Variants in NHSL1 observed in about 807,000 individuals in gnomAD.
NHSL1 encodes the protein NHS like 1, also known as NHS-like protein 1.
NHSL1 carries 48 observed loss-of-function variants against 95.0 expected under a neutral mutation model. The ratio of observed to expected loss-of-function variants is 0.51; its 90% CI spans 0.40 to 0.64. The LOEUF (loss-of-function observed/expected upper bound fraction) is 0.64. NHSL1 is among the 30% of genes least tolerant of loss of function. NHSL1 has a pLI of 0.00. For synonymous variants in NHSL1, 783 were observed against 833.9 expected, an observed-to-expected ratio of 0.94 and a Z score of 1.05; for missense variants, 1,971 against 2,077.7, an observed-to-expected ratio of 0.95 and a Z score of 1.00.
intron 1 of NHSL1, among the ~76,000 whole-genome samples, chr6:138,587,904 T>A (rs1784162086): frequency 6.6e-6 from 1 of 152,238 alleles, no homozygotes. Context: ...TGTTTGTTTG[T>A]TTAAGTTACA....
intron 1 of NHSL1, among the ~76,000 whole-genome samples, chr6:138,559,010 C>T (rs1479832175): frequency 6.6e-6 from 1 of 151,870 alleles, no homozygotes; most frequent in East Asian, 1.9e-4. Context: ...GAGTGCACCA[C>T]TGCACTCCAG....
intron 1 of NHSL1, among the ~76,000 whole-genome samples, chr6:138,666,318 G>A (rs946467426): frequency 1.3e-4 from 20 of 150,036 alleles, no homozygotes; most frequent in African/African-American, 4.9e-4. Flanking sequence ...ACAAAAACAA[G>A]GGCCAGGCGC....
chr6:138,610,472 T>G (rs1248277268), intron 1 of NHSL1, among the ~76,000 whole-genome samples: 1 of 151,288 alleles, frequency 6.6e-6, no homozygotes, highest in South Asian at 2.1e-4. Context: ...CACACCAACA[T>G]GGCACATGTA....
At chr6:138,601,972 C>T (rs904776045) in intron 1 of NHSL1, among the ~76,000 whole-genome samples, 4 of 152,028 alleles carry the variant, frequency 2.6e-5, no homozygotes, top group Admixed American at 2.6e-4. Flanking sequence ...CCTATAAAGC[C>T]GATAAGTTTA....
intron 1 of NHSL1, among the ~76,000 whole-genome samples, chr6:138,605,353 G>C (rs554089138): frequency 6.6e-6 from 1 of 152,278 alleles, no homozygotes; most frequent in African/African-American, 2.4e-5. Flanking sequence ...AGCCTCCCGG[G>C]TGGCCAGGAC....
At chr6:138,679,056 A>G (rs1785481752) in intron 1 of NHSL1, among the ~76,000 whole-genome samples, 1 of 152,350 alleles carries the variant, frequency 6.6e-6, no homozygotes, top group Non-Finnish European at 1.5e-5. Flanking sequence ...CATTTAGAAT[A>G]AGAGGAGCAG....
At chr6:138,674,649 T>G (rs1014031278) in intron 1 of NHSL1, among the ~76,000 whole-genome samples, 29 of 152,232 alleles carry the variant, frequency 1.9e-4, no homozygotes, top group African/African-American at 6.5e-4. Context: ...GAACATGATC[T>G]TGTTCCTTTT....
intron 1 of NHSL1, chr6:138,545,593 G>T: frequency 3.1e-6 from 4 of 1,273,634 alleles, no homozygotes; most frequent in Non-Finnish European, 4.1e-6. Context: ...GTAGAACTTT[G>T]CCACCCAAAT....
intron 1 of NHSL1, among the ~76,000 whole-genome samples, chr6:138,607,431 TAAAC>T (rs1241897872): frequency 2.6e-5 from 4 of 152,202 alleles, no homozygotes; most frequent in African/African-American, 9.6e-5. Flanking sequence ...ATCTGGTTCA[TAAAC>T]AAAAAAAGCA....
chr6:138,476,928 A>T (rs1035045970), intron 2 of NHSL1, among the ~76,000 whole-genome samples: 1 of 151,146 alleles, frequency 6.6e-6, no homozygotes, highest in Non-Finnish European at 1.5e-5. Context: ...ATACCCATGT[A>T]ACAAACCTGC....
intron 1 of NHSL1, among the ~76,000 whole-genome samples, chr6:138,598,712 A>T (rs1053968003): frequency 1.7e-4 from 26 of 152,028 alleles, no homozygotes; most frequent in Non-Finnish European, 3.8e-4. Context: ...TTTCTCCACA[A>T]TGCTCATAGA....
chr6:138,612,314 G>T (rs1784525444), intron 1 of NHSL1, among the ~76,000 whole-genome samples: 1 of 151,924 alleles, frequency 6.6e-6, no homozygotes, highest in Admixed American at 6.6e-5. Flanking sequence ...ACTAATACAA[G>T]AACTGCGTAA....
chr6:138,443,506 C>T (rs1178229621), intron 4 of NHSL1, among the ~76,000 whole-genome samples: 5 of 152,182 alleles, frequency 3.3e-5, no homozygotes, highest in African/African-American at 1.2e-4. Flanking sequence ...TGTATCAAGA[C>T]ATTAAGAACA....
At chr6:138,479,378 T>C (rs1779280059) in intron 2 of NHSL1, among the ~76,000 whole-genome samples, 1 of 152,198 alleles carries the variant, frequency 6.6e-6, no homozygotes, top group Admixed American at 6.5e-5. Flanking sequence ...TTACTCCTCT[T>C]GTCCTTTGGG....
At position 138,431,838 on chromosome 6, in the gene NHSL1, A is replaced by G; in HGVS notation, c.2507T>C (p.Ile836Thr). The change falls in exon 6 of 8, where the codon ATC becomes ACC. Residue 836 changes from isoleucine (I) to threonine (T), a missense_variant. Physicochemically the swap from Ile to Thr is moderately conservative, Grantham distance 89. Around this residue, in one of 3 missense-constraint regions of NHSL1, gnomAD observed 1,602 missense variants for 1,654.5 expected, o/e 0.97. Transcript: ENST00000343505. This position sits in a 1 kb window ranked among gnomAD's most constrained non-coding sequence, Gnocchi z 4.0. ...TCTGTGTGACTTCTCTGGTGACATG[A>G]TCTTTGGTTTGACTGAACCACCGGG... Reference protein sequence around the residue: ...QVPGGSVKPKIMSPEKSHRVI... With the variant: ...QVPGGSVKPKTMSPEKSHRVI... 1.3e-6 allele frequency: 2 copies of G among 1,551,498 alleles called. No individual in the cohort carries two copies. The highest frequency in any genetic ancestry group is 2.4e-5 in the East Asian group (1 of 40,896).
intron 1 of NHSL1, among the ~76,000 whole-genome samples, chr6:138,508,334 C>T (rs1227347179): frequency 2.0e-5 from 3 of 151,952 alleles, no homozygotes; most frequent in Admixed American, 6.6e-5. Context: ...GAAATGAGGT[C>T]GGGCTAACAT....
intron 1 of NHSL1, among the ~76,000 whole-genome samples, chr6:138,583,709 G>C (rs1421834107): frequency 1.3e-5 from 2 of 152,154 alleles, no homozygotes; most frequent in Non-Finnish European, 2.9e-5. Flanking sequence ...TCTCCTGACA[G>C]ATGAACTCAA....
chr6:138,631,528 C>T (rs1228665040), intron 1 of NHSL1, among the ~76,000 whole-genome samples: 3 of 152,154 alleles, frequency 2.0e-5, no homozygotes, highest in South Asian at 4.1e-4. Flanking sequence ...AGGTCAGCCA[C>T]AGCAGAATAG....
intron 1 of NHSL1, among the ~76,000 whole-genome samples, chr6:138,606,371 C>T (rs1274425431): frequency 6.6e-6 from 1 of 152,168 alleles, no homozygotes; most frequent in African/African-American, 2.4e-5. Flanking sequence ...TACTAAGCCC[C>T]ACGGCATCCA....
Sources: gnomAD v4.1 joint callset for allele counts (sites outside exome capture counted in the v4.1 genomes callset) on GRCh38, gnomAD v4.1.1 for gene constraint, gnomAD v4.1.1 regional missense constraint, Gnocchi (gnomAD v3.1) non-coding constraint, MANE v1.5 for transcripts, NCBI Gene and HGNC (gene_info 2026-07-23, HGNC 2026-07-21) for gene names.